KIF26B: variants seen among roughly 807,000 people sequenced by gnomAD.
The protein encoded by KIF26B is kinesin-like protein KIF26B.
Under a neutral mutation model 151.2 loss-of-function variants are expected in KIF26B, and 63 were observed. The observed-to-expected ratio is 0.42, with a 90% confidence interval of 0.34 to 0.51. KIF26B has a LOEUF of 0.51. Ranked by LOEUF, KIF26B falls within the 20% of genes least tolerant of loss-of-function variation. KIF26B has a pLI of 0.07. For missense variants in KIF26B, 2,813 were observed against 2,913.6 expected (o/e 0.97, Z 0.79); for synonymous variants, 1,357 against 1,262.1 (o/e 1.08, Z -1.59).
chr1:245,336,007 TCCCACGCAGGGAGAGTC>T (rs1672221810), intron 2 of KIF26B, among the ~76,000 whole-genome samples: 1 of 77,662 alleles, frequency 1.3e-5, no homozygotes, highest in African/African-American at 6.7e-5. Context: ...GAAAGGAGAG[TCCCACGCAGGGAGAGTC>T]CCACGCAGGG....
intron 2 of KIF26B, among the ~76,000 whole-genome samples, chr1:245,340,134 A>G (rs1012268453): frequency 3.9e-5 from 6 of 152,200 alleles, no homozygotes; most frequent in Non-Finnish European, 5.9e-5. Context: ...GGAGGGTACA[A>G]TTGTCTCTGA....
chr1:245,395,535 TGGATAGACCC>T (rs1673814248), intron 3 of KIF26B, among the ~76,000 whole-genome samples: 1 of 152,186 alleles, frequency 6.6e-6, no homozygotes, highest in Admixed American at 6.5e-5. Context: ...GAAGGTATGC[TGGATAGACCC>T]GGATAGACCC....
At chr1:245,312,499 C>G (rs1054686855) in intron 2 of KIF26B, among the ~76,000 whole-genome samples, 3 of 151,906 alleles carry the variant, frequency 2.0e-5, no homozygotes, top group Admixed American at 6.6e-5. Context: ...TAATTCATTC[C>G]TTTTCTTCTC....
rs141288342 is a variant in KIF26B at position 245,579,488 on chromosome 1, A to C, written c.1351-23089A>C. ...ACTCCAGCCTGAGCGACAGAGCTAG[A>C]CTCTGTCTCTAAAAAAAGAAAATTT... is the stretch of plus-strand genomic sequence containing the variant. On this transcript the variant is annotated intron_variant, in intron 5 of 14. Coordinates refer to ENST00000407071, the MANE Select transcript of KIF26B (RefSeq NM_018012.4). Among the ~76,000 whole-genome samples, 16 of 152,004 alleles carry C rather than the reference A, an allele frequency of 1.1e-4. No homozygotes were observed. The East Asian group carries it at 3.1e-3, about 30-fold the overall frequency.
intron 3 of KIF26B, among the ~76,000 whole-genome samples, chr1:245,384,427 GTTAA>G (rs1453896181): frequency 2.6e-5 from 4 of 152,154 alleles, no homozygotes; most frequent in African/African-American, 7.2e-5. Context: ...TAATTAGTTA[GTTAA>G]TTAATTCATC....
chr1:245,620,110 G>A (rs2043642037), intron 9 of KIF26B, among the ~76,000 whole-genome samples: 1 of 151,898 alleles, frequency 6.6e-6, no homozygotes. Context: ...TATAGAAAAT[G>A]ATGTATTCAT....
At chr1:245,250,599 C>T (rs1009524906) in intron 2 of KIF26B, among the ~76,000 whole-genome samples, 1 of 152,212 alleles carries the variant, frequency 6.6e-6, no homozygotes, top group Non-Finnish European at 1.5e-5. Flanking sequence ...CTGCAAATCT[C>T]ACTACCATTC....
rs1289823769 is a variant in KIF26B, at chr1:245,516,718, C to A, written c.1167-24049C>A. Among the ~76,000 whole-genome samples the A allele has an allele frequency of 1.3e-5, 2 of 152,186 alleles. No homozygotes were observed. The highest frequency in any genetic ancestry group is 2.9e-5 in the Non-Finnish European group (2 of 68,038). Reference sequence around the variant, plus strand: ...AGGGAAGTTGAGGAATACTGCAAAGCCACAAATCTGAGATGTCAGCTCATA... The same window carrying A: ...AGGGAAGTTGAGGAATACTGCAAAGACACAAATCTGAGATGTCAGCTCATA... On this transcript the variant is annotated intron_variant, in intron 4 of 14. Coordinates refer to ENST00000407071, the MANE Select transcript of KIF26B (RefSeq NM_018012.4). This position sits in a 1 kb window ranked among gnomAD's most constrained non-coding sequence, Gnocchi z 4.2.
intron 2 of KIF26B, among the ~76,000 whole-genome samples, chr1:245,177,241 A>G (rs952119958): frequency 5.3e-5 from 8 of 152,278 alleles, no homozygotes; most frequent in Non-Finnish European, 8.8e-5. Flanking sequence ...ATGAGTCACT[A>G]CATCTGGCCC....
At chr1:245,279,873 T>C (rs1199024172) in intron 2 of KIF26B, among the ~76,000 whole-genome samples, 1 of 152,176 alleles carries the variant, frequency 6.6e-6, no homozygotes, top group Non-Finnish European at 1.5e-5. Context: ...TGCTTCATTT[T>C]TTTTAGCTTG....
intron 12 of KIF26B, among the ~76,000 whole-genome samples, chr1:245,692,165 A>G: frequency 6.6e-6 from 1 of 152,178 alleles, no homozygotes; most frequent in East Asian, 1.9e-4. Flanking sequence ...CAGTTGTTCA[A>G]CATTGACCAG....
intron 3 of KIF26B, among the ~76,000 whole-genome samples, chr1:245,413,592 G>T (rs1674342773): frequency 6.6e-6 from 1 of 152,238 alleles, no homozygotes; most frequent in Non-Finnish European, 1.5e-5. Flanking sequence ...GAACCCGGAA[G>T]GCGGAGGTTG....
chr1:245,684,494 C>G, intron 11 of KIF26B, 99 bp downstream of exon 11: 1 of 1,250,156 alleles, frequency 8.0e-7, no homozygotes, highest in Non-Finnish European at 1.1e-6. Flanking sequence ...TTGCCAATCC[C>G]CCAGCATCAG....
In KIF26B at chr1:245,249,664, G is replaced by C. The variant is rs574425858; in HGVS notation, c.465+92981G>C. Among the ~76,000 whole-genome samples, 5 of 152,092 alleles carry C rather than the reference G, an allele frequency of 3.3e-5. No homozygotes were observed. The South Asian group carries it at 6.2e-4, about 19-fold the overall frequency. On this transcript the variant is annotated intron_variant, in intron 2 of 14. Coordinates refer to ENST00000407071, the MANE Select transcript of KIF26B (RefSeq NM_018012.4). ...CGCCTGGCTAACTTTTGTATTTTTA[G>C]TAGAGATGGGGTTTCACCATGGTGG... is the stretch of plus-strand genomic sequence containing the variant.
At chr1:245,340,137 G>T (rs1488012878) in intron 2 of KIF26B, among the ~76,000 whole-genome samples, 3 of 152,192 alleles carry the variant, frequency 2.0e-5, no homozygotes, top group Non-Finnish European at 4.4e-5. Flanking sequence ...GGGTACAATT[G>T]TCTCTGAGTA....
intron 2 of KIF26B, among the ~76,000 whole-genome samples, chr1:245,275,534 A>G (rs574615438): frequency 4.6e-5 from 7 of 152,182 alleles, no homozygotes; most frequent in East Asian, 1.9e-4. Context: ...TCCAGTTTCA[A>G]TTTTCTGCAT....
rs1436442694 is a variant in KIF26B, at chr1:245,560,002, C to T, written c.1350+19052C>T. 6.6e-6 allele frequency among the ~76,000 whole-genome samples: 1 copy of T among 152,062 alleles called. No homozygotes were observed. The highest frequency in any genetic ancestry group is 2.1e-4 in the South Asian group (1 of 4,816). ...GTCTGTTCATCTGCTGTCGTCTCTGCCAGGGATGCTCGTCTCTCATTCGTT... is the reference window on the plus strand; with the variant it reads ...GTCTGTTCATCTGCTGTCGTCTCTGTCAGGGATGCTCGTCTCTCATTCGTT... On this transcript the variant is annotated intron_variant, in intron 5 of 14. Transcript: ENST00000407071. The surrounding 1 kb of genome is among the most constrained non-coding windows in gnomAD (Gnocchi z 4.3).
chr1:245,498,525 A>G (rs1432788721), intron 4 of KIF26B, among the ~76,000 whole-genome samples: 1 of 152,202 alleles, frequency 6.6e-6, no homozygotes, highest in African/African-American at 2.4e-5. Flanking sequence ...TGGCAATCAG[A>G]GCGTGCATAT....
chr1:245,217,782 C>T (rs539667180), intron 2 of KIF26B, among the ~76,000 whole-genome samples: 5 of 152,154 alleles, frequency 3.3e-5, no homozygotes, highest in African/African-American at 1.2e-4. Context: ...ATGATTATCT[C>T]CATCTTTCAG....
Sources: allele counts gnomAD v4.1 joint callset (sites outside exome capture counted in the v4.1 genomes callset), GRCh38; gene constraint gnomAD v4.1.1; non-coding constraint Gnocchi (gnomAD v3.1); transcripts MANE v1.5; gene names NCBI Gene and HGNC (gene_info 2026-07-23, HGNC 2026-07-21).